The following FOXP1 variants were observed in gnomAD, a reference collection of about 807,000 sequenced individuals.
FOXP1 encodes forkhead box protein P1.
FOXP1 carries 15 observed loss-of-function variants against 98.2 expected under a neutral mutation model. That is an observed-to-expected ratio of 0.15 (90% CI 0.10 to 0.24). The LOEUF is 0.24. Ranked by LOEUF, FOXP1 falls within the 10% of genes least tolerant of loss-of-function variation. The pLI is 1.00. For synonymous variants in FOXP1, 371 were observed against 314.5 expected (o/e 1.18, Z -1.90); for missense variants, 633 against 848.5 (o/e 0.75, Z 3.15).
At chr3:71,046,876 G>C in intron 10 of FOXP1, 66 bp downstream of exon 10, 1 of 1,557,520 alleles carries the variant, frequency 6.4e-7, no homozygotes, top group Non-Finnish European at 8.9e-7. Flanking sequence ...AATATACCAA[G>C]AGACAACCCA....
intron 7 of FOXP1, among the ~76,000 whole-genome samples, chr3:71,066,800 T>C (rs1359500152): frequency 6.6e-6 from 1 of 152,238 alleles, no homozygotes; most frequent in Non-Finnish European, 1.5e-5. Context: ...ATAAAACTCA[T>C]GCATGCTTTC....
chr3:71,559,361 G>C (rs770704853), intron 2 of FOXP1, among the ~76,000 whole-genome samples: 6 of 152,192 alleles, frequency 3.9e-5, no homozygotes, highest in Non-Finnish European at 8.8e-5. Context: ...GACAAACATA[G>C]TTTCTTATTC....
chr3:71,290,711 A>G (rs540399031), intron 5 of FOXP1, among the ~76,000 whole-genome samples: 31 of 152,278 alleles, frequency 2.0e-4, no homozygotes, highest in Admixed American at 1.7e-3. Context: ...GAGTAGCCTT[A>G]ATCCAATATT....
At chr3:71,035,015 G>A (rs141563643) in intron 11 of FOXP1, among the ~76,000 whole-genome samples, 1 of 152,174 alleles carries the variant, frequency 6.6e-6, no homozygotes, top group Non-Finnish European at 1.5e-5. Context: ...CTTTCCAAGT[G>A]TCAAAACCTC....
intron 6 of FOXP1, among the ~76,000 whole-genome samples, chr3:71,126,189 G>A (rs923449500): frequency 6.6e-6 from 1 of 152,140 alleles, no homozygotes. Flanking sequence ...ATATGATTAA[G>A]AAAAGAAATT....
At chr3:71,460,938 C>T (rs1470591629) in intron 3 of FOXP1, among the ~76,000 whole-genome samples, 1 of 152,142 alleles carries the variant, frequency 6.6e-6, no homozygotes, top group African/African-American at 2.4e-5. Flanking sequence ...GTGCCTTTGA[C>T]TGTCGGGAAT....
chr3:71,282,931 G>A (rs542199686), intron 5 of FOXP1, among the ~76,000 whole-genome samples: 1 of 152,192 alleles, frequency 6.6e-6, no homozygotes, highest in Admixed American at 6.5e-5. Flanking sequence ...GTCGGCACCT[G>A]AGATAGTCAA....
chr3:71,060,871 T>C (rs565352111), intron 7 of FOXP1, among the ~76,000 whole-genome samples: 4 of 152,324 alleles, frequency 2.6e-5, no homozygotes, highest in African/African-American at 9.6e-5. Context: ...TCTTCATTGA[T>C]TAGTTGCTTT....
chr3:71,464,724 C>T (rs112315030), intron 3 of FOXP1, among the ~76,000 whole-genome samples: 6,026 of 152,252 alleles, frequency 0.04, 158 homozygotes, highest in Middle Eastern at 0.092. Context: ...CTCTGATTTC[C>T]GCTCAACAGT....
chr3:71,212,957 T>C (rs1340177675), intron 5 of FOXP1, among the ~76,000 whole-genome samples: 1 of 117,664 alleles, frequency 8.5e-6, no homozygotes, highest in Non-Finnish European at 1.8e-5. Flanking sequence ...GGAATATATA[T>C]ATATATATAT....
chr3:71,389,655 T>C (rs1392374120), intron 3 of FOXP1, among the ~76,000 whole-genome samples: 1 of 152,142 alleles, frequency 6.6e-6, no homozygotes, highest in Non-Finnish European at 1.5e-5. Context: ...CCATTAAAGA[T>C]AGAATAATTG....
intron 5 of FOXP1, among the ~76,000 whole-genome samples, chr3:71,218,287 T>G (rs2065094915): frequency 6.6e-6 from 1 of 152,222 alleles, no homozygotes. Flanking sequence ...TGATGGTAAC[T>G]CCAATGAGTT....
At chr3:71,173,754 G>C (rs1031119805) in intron 6 of FOXP1, among the ~76,000 whole-genome samples, 14 of 152,168 alleles carry the variant, frequency 9.2e-5, no homozygotes, top group Non-Finnish European at 1.9e-4. Context: ...GGGATTGCTG[G>C]CATATTCTGG....
chr3:70,993,268 G>A (rs968628454), intron 13 of FOXP1, among the ~76,000 whole-genome samples: 3 of 152,154 alleles, frequency 2.0e-5, no homozygotes, highest in South Asian at 2.1e-4. Flanking sequence ...CAGTGTCACC[G>A]GACTCCAGCC....
At chr3:71,095,048 T>C (rs1360571897) in intron 7 of FOXP1, among the ~76,000 whole-genome samples, 5 of 152,252 alleles carry the variant, frequency 3.3e-5, no homozygotes, top group African/African-American at 9.6e-5. Context: ...TCATGCAAAA[T>C]GGTGAGGCCT....
intron 12 of FOXP1, among the ~76,000 whole-genome samples, chr3:71,008,495 G>A (rs1056623833): frequency 1.3e-5 from 2 of 152,058 alleles, no homozygotes; most frequent in Admixed American, 1.3e-4. Flanking sequence ...AGGGCTGGAC[G>A]ATTTCATTAG....
intron 5 of FOXP1, among the ~76,000 whole-genome samples, chr3:71,249,561 T>A: frequency 6.6e-6 from 1 of 152,156 alleles, no homozygotes; most frequent in African/African-American, 2.4e-5. Context: ...GGAGTCCGGA[T>A]CTGAACCCAG....
chr3:71,149,852 G>A (rs187221659), intron 6 of FOXP1, among the ~76,000 whole-genome samples: 5 of 152,180 alleles, frequency 3.3e-5, no homozygotes, highest in Admixed American at 2.6e-4. Context: ...AAGGGAATGC[G>A]ACAGGATTGG....
In FOXP1 at chr3:71,155,451, G is replaced by A. The variant is rs77654380; in HGVS notation, c.180+42751C>T. Among the ~76,000 whole-genome samples, 4 of 152,252 alleles carry A rather than the reference G, an allele frequency of 2.6e-5. No homozygotes were observed. In the East Asian group the frequency reaches 7.7e-4, roughly 29 times the overall value. On this transcript the variant is annotated intron_variant, in intron 6 of 20. Coordinates refer to ENST00000649528, the MANE Select transcript of FOXP1 (RefSeq NM_001349338.3). ...CTATTTTGCTCTTTCAAAATACTAAGTTTACTAAGTCTTTAAAATCCAGTT... is the reference window on the plus strand; with the variant it reads ...CTATTTTGCTCTTTCAAAATACTAAATTTACTAAGTCTTTAAAATCCAGTT...
Sources: allele counts gnomAD v4.1 joint callset (sites outside exome capture counted in the v4.1 genomes callset), GRCh38; gene constraint gnomAD v4.1.1; transcripts MANE v1.5; gene names NCBI Gene and HGNC (gene_info 2026-07-23, HGNC 2026-07-21).